EDA: variants seen among roughly 807,000 people sequenced by gnomAD.
EDA encodes ectodysplasin A.
Under a neutral mutation model 23.6 loss-of-function variants are expected in EDA, and 2 were observed. The ratio of observed to expected loss-of-function variants is 0.08; its 90% confidence interval spans 0.03 to 0.27. The LOEUF (loss-of-function observed/expected upper bound fraction) is 0.27. EDA is among the 10% of genes least tolerant of loss of function. EDA has a pLI of 1.00. For missense variants in EDA, 229 were observed against 324.2 expected (o/e 0.71, Z 2.26); for synonymous variants, 131 against 132.0 (o/e 0.99, Z 0.05).
intron 1 of EDA, among the ~76,000 whole-genome samples, chrX:69,834,532 C>CTT (rs56353023): frequency 1.6e-4 from 14 of 86,163 alleles, no homozygotes; most frequent in Non-Finnish European, 2.9e-4. Flanking sequence ...GCAACCCCTG[C>CTT]TTTTTTTTTT....
intron 2 of EDA, among the ~76,000 whole-genome samples, chrX:69,966,924 T>C (rs2019182635): frequency 9.1e-6 from 1 of 109,409 alleles, no homozygotes; most frequent in Non-Finnish European, 1.9e-5. Flanking sequence ...TTTTTTATTT[T>C]ATATGTAAAC....
intron 1 of EDA, among the ~76,000 whole-genome samples, chrX:69,789,270 G>A (rs1361083693): frequency 8.9e-6 from 1 of 112,123 alleles, no homozygotes; most frequent in African/African-American, 3.2e-5. Context: ...GCTCACACTG[G>A]GAGCTGTAGA....
intron 1 of EDA, among the ~76,000 whole-genome samples, chrX:69,936,929 G>GT (rs1160599566): frequency 1.8e-5 from 2 of 109,117 alleles, no homozygotes; most frequent in African/African-American, 6.7e-5. Flanking sequence ...ACCTAAATGT[G>GT]TTTTTTTGTT....
intron 1 of EDA, among the ~76,000 whole-genome samples, chrX:69,748,518 G>A (rs1392020180): frequency 9.0e-6 from 1 of 111,524 alleles, no homozygotes; most frequent in Non-Finnish European, 1.9e-5. Context: ...GCTGCTGGTT[G>A]CCTTTAAGGA....
intron 1 of EDA, among the ~76,000 whole-genome samples, chrX:69,890,224 A>C (rs2017902078): frequency 9.0e-6 from 1 of 111,389 alleles, no homozygotes. Flanking sequence ...AAGAATTCAG[A>C]GGTGACACAA....
At chrX:69,660,158 G>A (rs1933439723) in intron 1 of EDA, among the ~76,000 whole-genome samples, 1 of 110,598 alleles carries the variant, frequency 9.0e-6, no homozygotes, top group Admixed American at 9.7e-5. Context: ...AGTAAGTGAG[G>A]ATGAAGTCCA....
intron 1 of EDA, among the ~76,000 whole-genome samples, chrX:69,925,762 G>C (rs1163247252): frequency 2.9e-4 from 29 of 99,315 alleles, no homozygotes; most frequent in Admixed American, 6.8e-4. Context: ...GAATTTGGCT[G>C]TGAATCCATC....
intron 1 of EDA, among the ~76,000 whole-genome samples, chrX:69,630,811 C>T (rs1340378964): frequency 1.8e-5 from 2 of 111,493 alleles, no homozygotes; most frequent in African/African-American, 6.5e-5. Flanking sequence ...TGTTATACTC[C>T]CTTTTTGCAT....
intron 1 of EDA, among the ~76,000 whole-genome samples, chrX:69,911,296 G>C (rs146858077): frequency 5.0e-4 from 56 of 111,624 alleles, no homozygotes; most frequent in African/African-American, 1.6e-3. Flanking sequence ...ATCACCTCTG[G>C]CTTTCTGCTT....
At chrX:69,789,361 G>T (rs191999089) in intron 1 of EDA, among the ~76,000 whole-genome samples, 4 of 112,372 alleles carry the variant, frequency 3.6e-5, no homozygotes, top group Admixed American at 1.9e-4. Context: ...ATACAATCTG[G>T]TTTTGTTTCT....
At chrX:69,834,067 C>T (rs1472973219) in intron 1 of EDA, among the ~76,000 whole-genome samples, 2 of 108,043 alleles carry the variant, frequency 1.9e-5, no homozygotes, top group African/African-American at 6.7e-5. Context: ...GTTTTCTGTC[C>T]TTGTGATAGT....
chrX:69,949,963 A>G (rs965324556), intron 1 of EDA, among the ~76,000 whole-genome samples: 1 of 106,863 alleles, frequency 9.4e-6, no homozygotes, highest in African/African-American at 3.4e-5. Flanking sequence ...AGACTTAAAC[A>G]TTAGACCTAA....
At chrX:69,653,293 T>C (rs1933166136) in intron 1 of EDA, among the ~76,000 whole-genome samples, 1 of 111,640 alleles carries the variant, frequency 9.0e-6, no homozygotes, top group Non-Finnish European at 1.9e-5. Flanking sequence ...TATTGGTATA[T>C]AAGAATGCTT....
intron 1 of EDA, among the ~76,000 whole-genome samples, chrX:69,815,670 A>C (rs2016064589): frequency 8.9e-6 from 1 of 111,939 alleles, no homozygotes; most frequent in African/African-American, 3.2e-5. Flanking sequence ...TTCTACAGAC[A>C]AATCTCTGAT....
chrX:69,824,414 A>C lies in EDA; in HGVS notation c.397-132613A>C, dbSNP rs1357855977. Among the ~76,000 whole-genome samples, 5 of 109,432 alleles carry C rather than the reference A, an allele frequency of 4.6e-5. No homozygotes were observed. In the Admixed American group the frequency reaches 4.9e-4, roughly 11 times the overall value. ...AGTTCTCCTTGAAGAGGTCCTTCAC[A>C]TCCCTTGTAAGTTGGATTCCTAGGT... On this transcript the variant is annotated intron_variant, in intron 1 of 7. Transcript: ENST00000374552.
intron 1 of EDA, among the ~76,000 whole-genome samples, chrX:69,765,876 C>T (rs180680283): frequency 1.1e-4 from 12 of 111,741 alleles, no homozygotes; most frequent in Non-Finnish European, 2.1e-4. Context: ...AACCTGCTCC[C>T]TACCATTCTT....
chrX:69,616,221 G>A lies in EDA; in HGVS notation c.-88G>A. ...TCCCTGCAGCCCCCAGCCGATGGCAGGACAGTAGCCGCCTGTCAGAGGTCG... is the reference window on the plus strand; with the variant it reads ...TCCCTGCAGCCCCCAGCCGATGGCAAGACAGTAGCCGCCTGTCAGAGGTCG... On this transcript the variant is annotated 5_prime_UTR_variant, in exon 1 of 8. Coordinates refer to ENST00000374552, the MANE Select transcript of EDA (RefSeq NM_001399.5). 9.3e-7 allele frequency: 1 copy of A among 1,078,128 alleles called. No homozygotes were observed. 88.8% of individuals were successfully genotyped at this position (1,078,128 alleles called of 1,213,427 possible).
At chrX:69,782,612 C>T (rs1452754242) in intron 1 of EDA, among the ~76,000 whole-genome samples, 3 of 111,032 alleles carry the variant, frequency 2.7e-5, no homozygotes, top group African/African-American at 9.8e-5. Context: ...AGGATTTGTT[C>T]ATCGAAGTGT....
Position 69,718,277 on chromosome X carries a change from T to C in EDA, c.396+101573T>C, listed in dbSNP as rs149093233. Among the ~76,000 whole-genome samples, 50 of 111,650 alleles carry C rather than the reference T, an allele frequency of 4.5e-4. No homozygotes were observed. The East Asian group carries it at 0.013, about 30-fold the overall frequency. On this transcript the variant is annotated intron_variant, in intron 1 of 7. Transcript: ENST00000374552. The stretch of plus-strand genomic sequence containing the variant: ...ATAGTTTTCTTTCTTTCTTTCTTTC[T>C]TTCTAACCTGTATGCCTTTTTTTTC...
Sources: allele counts gnomAD v4.1 joint callset (sites outside exome capture counted in the v4.1 genomes callset), GRCh38; gene constraint gnomAD v4.1.1; transcripts MANE v1.5; gene names NCBI Gene and HGNC (gene_info 2026-07-23, HGNC 2026-07-21).